NEURL1: variants seen among roughly 807,000 people sequenced by gnomAD.
The protein encoded by NEURL1 is neuralized E3 ubiquitin protein ligase 1.
NEURL1 carries 26 observed loss-of-function variants against 41.2 expected under a neutral mutation model. The observed-to-expected ratio is 0.63, with a 90% CI of 0.46 to 0.87. The LOEUF (loss-of-function observed/expected upper bound fraction) is 0.87. NEURL1 is among the 40% of genes least tolerant of loss of function. The pLI, the probability that NEURL1 is intolerant of heterozygous loss-of-function variation, is 0.00. For synonymous variants in NEURL1, 400 were observed against 402.3 expected, an observed-to-expected ratio of 0.99 and a Z score of 0.07; for missense variants, 761 against 871.1, an observed-to-expected ratio of 0.87 and a Z score of 1.59.
chr10:103,544,237 G>A (rs941277264), intron 1 of NEURL1, among the ~76,000 whole-genome samples: 32 of 152,156 alleles, frequency 2.1e-4, no homozygotes, highest in African/African-American at 7.5e-4. Flanking sequence ...CCAGATTTCC[G>A]GCCTGGATAA....
At chr10:103,546,142 A>C (rs1470931658) in intron 1 of NEURL1, among the ~76,000 whole-genome samples, 3 of 152,196 alleles carry the variant, frequency 2.0e-5, no homozygotes, top group Non-Finnish European at 2.9e-5. Flanking sequence ...CTCTGGGATG[A>C]CAGACGTTTG....
At chr10:103,518,350 C>T (rs2034265447) in intron 1 of NEURL1, among the ~76,000 whole-genome samples, 3 of 152,154 alleles carry the variant, frequency 2.0e-5, no homozygotes, top group South Asian at 2.1e-4. Flanking sequence ...CCTTCCCTTC[C>T]CTCCCTCTCT....
chr10:103,568,745 C>G (rs1285392536), intron 1 of NEURL1, among the ~76,000 whole-genome samples: 1 of 151,830 alleles, frequency 6.6e-6, no homozygotes, highest in Non-Finnish European at 1.5e-5. Context: ...CTTGGTAATC[C>G]TGCCTCTCTC....
At chr10:103,573,120 T>A (rs1296143740) in intron 3 of NEURL1, among the ~76,000 whole-genome samples, 1 of 152,194 alleles carries the variant, frequency 6.6e-6, no homozygotes, top group Non-Finnish European at 1.5e-5. Flanking sequence ...TTTGTTGAGT[T>A]CCAAACATCA....
At chr10:103,520,797 G>A (rs1397387795) in intron 1 of NEURL1, among the ~76,000 whole-genome samples, 1 of 152,168 alleles carries the variant, frequency 6.6e-6, no homozygotes, top group Admixed American at 6.5e-5. Flanking sequence ...CCTACAGTGG[G>A]AGAGATTAAG....
chr10:103,588,942 G>GAA (rs35294224), intron 4 of NEURL1: 2,232 of 318,954 alleles, frequency 7.0e-3, no homozygotes, highest in Non-Finnish European at 8.0e-3. Context: ...GACTCCGTCT[G>GAA]AAAAAAAAAA....
Position 103,499,650 on chromosome 10 carries a change from T to A in NEURL1, c.85+5178T>A, listed in dbSNP as rs568084668. ...TGGCTTATTTCTGTAGGTTTTTTTT[T>A]AAGAGATGGCATCTTGCCATGTTGC... On this transcript the variant is annotated intron_variant, in intron 1 of 5. Transcript: ENST00000369780. Among the ~76,000 whole-genome samples the A allele has an allele frequency of 2.0e-4, 30 of 152,044 alleles. No homozygotes were observed. The South Asian group carries it at 6.3e-3, about 32-fold the overall frequency.
intron 3 of NEURL1, among the ~76,000 whole-genome samples, chr10:103,578,585 A>T (rs553538789): frequency 1.3e-5 from 2 of 152,296 alleles, no homozygotes; most frequent in South Asian, 4.1e-4. Flanking sequence ...ACTGCTTTTT[A>T]AAAAAGTTTG....
In NEURL1 at chr10:103,589,626, G is replaced by C. The variant is rs1210970416; in HGVS notation, c.1452G>C (p.Thr484=). Residue 484 remains threonine, a synonymous_variant, in exon 5 of 6, where the codon ACG becomes ACC. Transcript: ENST00000369780. ...GSRLSDPLLS[T]CSSGPLGSSA... is the part of the protein sequence containing the mutation. Reference sequence around the variant, plus strand: ...GCCTGTCTGACCCCTTGCTCAGCACGTGCAGCTCTGGCCCTCTGGGTAGCT... The same window carrying C: ...GCCTGTCTGACCCCTTGCTCAGCACCTGCAGCTCTGGCCCTCTGGGTAGCT... The C allele has an allele frequency of 4.3e-6, 7 of 1,613,472 alleles. No homozygotes were observed. Among genetic ancestry groups the C allele is most frequent in the Non-Finnish European group, 5.9e-6 (7 of 1,179,684 alleles).
At chr10:103,555,360 T>A in intron 1 of NEURL1, 1 of 1,352,590 alleles carries the variant, frequency 7.4e-7, no homozygotes, top group South Asian at 1.2e-5. Flanking sequence ...CAGAGGTGGC[T>A]GCACTGCCCG....
intron 1 of NEURL1, among the ~76,000 whole-genome samples, chr10:103,495,030 A>G (rs1336162895): frequency 2.6e-5 from 4 of 152,190 alleles, no homozygotes; most frequent in Non-Finnish European, 5.9e-5. Flanking sequence ...TGGTTTTCCC[A>G]AAGACCAGAT....
intron 4 of NEURL1, among the ~76,000 whole-genome samples, chr10:103,587,180 A>G (rs2035941402): frequency 6.6e-6 from 1 of 152,250 alleles, no homozygotes. Flanking sequence ...AAAATAAAAA[A>G]TAAAAAATAG....
Position 103,496,900 on chromosome 10 carries a change from T to C in NEURL1, c.85+2428T>C, listed in dbSNP as rs368445642. 5.3e-5 allele frequency among the ~76,000 whole-genome samples: 8 copies of C among 152,126 alleles called. No homozygotes were observed. The East Asian group carries it at 9.6e-4, about 18-fold the overall frequency. On this transcript the variant is annotated intron_variant, in intron 1 of 5. Coordinates refer to ENST00000369780, the MANE Select transcript of NEURL1 (RefSeq NM_004210.5). Reference sequence around the variant, plus strand: ...CCCAACTAATTGCATCTTTTTAATCTAAAATTTGGAATTGTGGGGATCTGA... The same window carrying C: ...CCCAACTAATTGCATCTTTTTAATCCAAAATTTGGAATTGTGGGGATCTGA...
chr10:103,570,772 T>G (rs1592231505), intron 1 of NEURL1, 100 bp from the exon 2 acceptor site: 2 of 1,519,962 alleles, frequency 1.3e-6, no homozygotes, highest in Middle Eastern at 1.8e-4. Flanking sequence ...GGGCTCTGGG[T>G]GACTTCTGGT....
chr10:103,535,375 T>C (rs2034669689), intron 1 of NEURL1, among the ~76,000 whole-genome samples: 2 of 152,100 alleles, frequency 1.3e-5, no homozygotes, highest in Non-Finnish European at 2.9e-5. Context: ...CCCTGGGACA[T>C]GGGGTACTAG....
At chr10:103,504,204 G>T (rs1167203084) in intron 1 of NEURL1, among the ~76,000 whole-genome samples, 1 of 151,934 alleles carries the variant, frequency 6.6e-6, no homozygotes, top group Non-Finnish European at 1.5e-5. Flanking sequence ...TGTTGGTCAG[G>T]CTGGTCTTGA....
rs965397016 is a variant in NEURL1 at position 103,570,735 on chromosome 10, AG to A, written c.86-133del. ...AGATGGTGGCAGAAGGATGGTGGCA[AG>A]GGGTGGCGGCAGTGGTGAAAGAACT... On this transcript the variant is annotated intron_variant, in intron 1 of 5. Transcript: ENST00000369780. 2.1e-6 allele frequency: 3 copies of A among 1,400,994 alleles called. No homozygotes were observed. In the Admixed American group the frequency reaches 6.8e-5, roughly 32 times the overall value. The allele number at this position is 1,400,994 out of a possible 1,614,324, so 86.8% of individuals were successfully genotyped here. A position where few individuals can be genotyped will look rare whatever the true frequency, so the allele number is the denominator to read the frequency against.
chr10:103,560,449 T>C (rs946600358), intron 1 of NEURL1, among the ~76,000 whole-genome samples: 2 of 152,152 alleles, frequency 1.3e-5, no homozygotes, highest in African/African-American at 4.8e-5. Flanking sequence ...AGGATGGGGA[T>C]GTTGCAGAGT....
chr10:103,498,778 C>T (rs2033751674), intron 1 of NEURL1, among the ~76,000 whole-genome samples: 1 of 152,298 alleles, frequency 6.6e-6, no homozygotes, highest in Admixed American at 6.5e-5. Flanking sequence ...GTTTAATATA[C>T]ATGGAAGGAT....
Sources: allele counts gnomAD v4.1 joint callset (sites outside exome capture counted in the v4.1 genomes callset), GRCh38; gene constraint gnomAD v4.1.1; transcripts MANE v1.5; gene names NCBI Gene and HGNC (gene_info 2026-07-23, HGNC 2026-07-21).